Variants in PRDM16 observed in about 807,000 individuals in gnomAD.
PRDM16 encodes the protein histone-lysine N-methyltransferase PRDM16.
Under a neutral mutation model 110.6 loss-of-function variants are expected in PRDM16, and 23 were observed. That is an observed-to-expected ratio of 0.21 (90% CI 0.15 to 0.29). The LOEUF (loss-of-function observed/expected upper bound fraction) is 0.29, where lower values mean the gene tolerates loss of function less well. PRDM16 is among the 10% of genes least tolerant of loss of function. The pLI is 1.00. For missense variants in PRDM16, 1,615 were observed against 1,794.3 expected (o/e 0.90, Z 1.81); for synonymous variants, 799 against 781.8 (o/e 1.02, Z -0.37).
rs902564428 is a variant in PRDM16, at chr1:3,069,792, C to A, written c.37+496C>A. Among the ~76,000 whole-genome samples the A allele has an allele frequency of 6.6e-6, 1 of 152,038 alleles. No homozygotes were observed. Among genetic ancestry groups the A allele is most frequent in the African/African-American group, 2.4e-5 (1 of 41,436 alleles). ...GAAATAGTGGGCGCTAGAGCACCGC[C>A]TTTGGCGTCCGCCAGCCGGGCGCAG... On this transcript the variant is annotated intron_variant, in intron 1 of 16. Coordinates refer to ENST00000270722, the MANE Select transcript of PRDM16 (RefSeq NM_022114.4). This position sits in a 1 kb window ranked among gnomAD's most constrained non-coding sequence, Gnocchi z 6.1.
At chr1:3,163,513 C>T (rs1281998825) in intron 1 of PRDM16, among the ~76,000 whole-genome samples, 3 of 152,156 alleles carry the variant, frequency 2.0e-5, no homozygotes, top group Non-Finnish European at 4.4e-5. Context: ...TTGGTAAAAC[C>T]CACGCGGCGT....
In PRDM16 at chr1:3,405,366, G is replaced by T. The variant is rs1280937907; in HGVS notation, c.1033-129G>T. The T allele has an allele frequency of 5.1e-5, 55 of 1,086,772 alleles. No homozygotes were observed. The South Asian group carries it at 5.9e-4, about 12-fold the overall frequency. The allele number at this position is 1,086,772 out of a possible 1,614,324, so 67.3% of individuals were successfully genotyped here. A position where few individuals can be genotyped will look rare whatever the true frequency, so the allele number is the denominator to read the frequency against. ...ACAGAGACCTGTCCCGGCCTGCTTG[G>T]TGCAGACTGCAACGTGGCAAGAGAG... On this transcript the variant is annotated intron_variant, in intron 7 of 16. Transcript: ENST00000270722.
chr1:3,094,072 C>T (rs1003835237), intron 1 of PRDM16, among the ~76,000 whole-genome samples: 1 of 152,242 alleles, frequency 6.6e-6, no homozygotes, highest in Non-Finnish European at 1.5e-5. Context: ...AAAGTGGTGG[C>T]TGCAGCCAGT....
chr1:3,226,888 G>A (rs1009922809), intron 2 of PRDM16, among the ~76,000 whole-genome samples: 2 of 151,790 alleles, frequency 1.3e-5, no homozygotes, highest in East Asian at 1.9e-4. Flanking sequence ...TCCAATGCCC[G>A]TTCTCTTTAA....
chr1:3,254,708 T>C (rs989682560), intron 3 of PRDM16, among the ~76,000 whole-genome samples: 1 of 152,032 alleles, frequency 6.6e-6, no homozygotes, highest in African/African-American at 2.4e-5. Flanking sequence ...GAAGAATCAA[T>C]ATCGTGAAAA....
chr1:3,303,242 G>GC (rs1641244137), intron 3 of PRDM16, among the ~76,000 whole-genome samples: 1 of 149,386 alleles, frequency 6.7e-6, no homozygotes, highest in Non-Finnish European at 1.5e-5. Flanking sequence ...TCTCCCCCCA[G>GC]CCCCTGGTAA....
At chr1:3,369,598 C>T (rs949228531) in intron 3 of PRDM16, among the ~76,000 whole-genome samples, 9 of 152,212 alleles carry the variant, frequency 5.9e-5, no homozygotes, top group African/African-American at 7.2e-5. Flanking sequence ...CACAACCAGC[C>T]GGACTGTGGC....
At chr1:3,259,763 G>A (rs1000167911) in intron 3 of PRDM16, among the ~76,000 whole-genome samples, 34 of 152,012 alleles carry the variant, frequency 2.2e-4, no homozygotes, top group African/African-American at 2.7e-4. Context: ...GGACTTCTGC[G>A]TGAGCCACCT....
At chr1:3,146,746 CG>C (rs1643668282) in intron 1 of PRDM16, among the ~76,000 whole-genome samples, 1 of 109,492 alleles carries the variant, frequency 9.1e-6, no homozygotes, top group Non-Finnish European at 1.8e-5. Flanking sequence ...TGTGAGTGCA[CG>C]TGTGTGCTCG....
At chr1:3,141,836 C>A (rs181653774) in intron 1 of PRDM16, among the ~76,000 whole-genome samples, 35 of 152,236 alleles carry the variant, frequency 2.3e-4, no homozygotes, top group African/African-American at 8.4e-4. Context: ...GGGGTGGGGG[C>A]GGCCTTCAGT....
intron 3 of PRDM16, among the ~76,000 whole-genome samples, chr1:3,378,617 C>T (rs1161531443): frequency 1.3e-5 from 2 of 152,190 alleles, no homozygotes; most frequent in South Asian, 2.1e-4. Flanking sequence ...AGGCCCGCGG[C>T]GATGAGCGAG....
chr1:3,141,418 G>T (rs772242041), intron 1 of PRDM16, among the ~76,000 whole-genome samples: 1 of 152,206 alleles, frequency 6.6e-6, no homozygotes, highest in Non-Finnish European at 1.5e-5. Context: ...CAGCCTCCTC[G>T]GTCTCCCCGC....
At chr1:3,414,200 C>T (rs1421142302) in intron 9 of PRDM16, among the ~76,000 whole-genome samples, 1 of 152,218 alleles carries the variant, frequency 6.6e-6, no homozygotes. Flanking sequence ...TCAGAGAAAA[C>T]TCCAGCCGCC....
chr1:3,252,524 G>A (rs7539489), intron 3 of PRDM16, among the ~76,000 whole-genome samples: 65,507 of 152,036 alleles, frequency 0.43, 16,030 homozygotes, highest in East Asian at 0.59. Flanking sequence ...GAAATTTTCC[G>A]CAGGAGGTGG....
At chr1:3,073,884 TCCGCGTCCCCAA>T (rs1345956187) in intron 1 of PRDM16, among the ~76,000 whole-genome samples, 1 of 152,006 alleles carries the variant, frequency 6.6e-6, no homozygotes, top group Non-Finnish European at 1.5e-5. Context: ...GAGGGCGGCC[TCCGCGTCCCCAA>T]CCGCCGACCC....
chr1:3,330,134 T>C (rs961761417), intron 3 of PRDM16, among the ~76,000 whole-genome samples: 1 of 152,216 alleles, frequency 6.6e-6, no homozygotes, highest in Non-Finnish European at 1.5e-5. Flanking sequence ...CCACTTCACC[T>C]TGGGCTTGTC....
intron 12 of PRDM16, among the ~76,000 whole-genome samples, chr1:3,421,243 C>T (rs1638418272): frequency 6.6e-6 from 1 of 152,150 alleles, no homozygotes; most frequent in South Asian, 2.1e-4. Context: ...TGCCGCTGCC[C>T]AGTGCTCAGG....
At position 3,181,519 on chromosome 1, in the gene PRDM16, T is replaced by C. The variant is rs1644184936; in HGVS notation, c.38-4606T>C. Among the ~76,000 whole-genome samples, 2 of 73,312 alleles carry C rather than the reference T, an allele frequency of 2.7e-5. 1 individual carries two copies. The highest frequency in any genetic ancestry group is 1.0e-4 in the African/African-American group (2 of 20,042). The allele number at this position is 73,312 out of a possible 152,430, so 48.1% of individuals were successfully genotyped here. On this transcript the variant is annotated intron_variant, in intron 1 of 16. Transcript: ENST00000270722. ...ACGCATGGTCTTACACACGCAGTCT[T>C]ACACAAGCGGTCTTACACACGGTCT...
At chr1:3,269,430 G>C (rs903078744) in intron 3 of PRDM16, among the ~76,000 whole-genome samples, 1 of 150,210 alleles carries the variant, frequency 6.7e-6, no homozygotes, top group Non-Finnish European at 1.5e-5. Flanking sequence ...AGTCCCAGAG[G>C]AGCACAGTCC....
Sources: allele counts gnomAD v4.1 joint callset (sites outside exome capture counted in the v4.1 genomes callset), GRCh38; gene constraint gnomAD v4.1.1; non-coding constraint Gnocchi (gnomAD v3.1); transcripts MANE v1.5; gene names NCBI Gene and HGNC (gene_info 2026-07-23, HGNC 2026-07-21).